The following ATXN7L1 variants were observed in gnomAD, a reference collection of about 807,000 sequenced individuals.
The protein encoded by ATXN7L1 is ataxin-7-like protein 1.
A neutral mutation model predicts 70.8 loss-of-function variants in ATXN7L1; 15 were observed. The observed-to-expected ratio is 0.21, with a 90% confidence interval of 0.14 to 0.33. The LOEUF (loss-of-function observed/expected upper bound fraction) is 0.33. Ranked by LOEUF, ATXN7L1 falls within the 10% of genes least tolerant of loss-of-function variation. The pLI, the probability that ATXN7L1 is intolerant of heterozygous loss-of-function variation, is 1.00. For synonymous variants in ATXN7L1, 440 were observed against 445.1 expected (o/e 0.99, Z 0.14); for missense variants, 975 against 1,097.1 (o/e 0.89, Z 1.57).
intron 2 of ATXN7L1, among the ~76,000 whole-genome samples, chr7:105,792,835 A>C (rs1408860603): frequency 6.6e-6 from 1 of 152,238 alleles, no homozygotes; most frequent in Admixed American, 6.5e-5. Context: ...ACGGGCAAAA[A>C]AGTGAAGAGT....
intron 2 of ATXN7L1, among the ~76,000 whole-genome samples, chr7:105,792,984 C>A: frequency 6.6e-6 from 1 of 152,252 alleles, no homozygotes; most frequent in East Asian, 1.9e-4. Context: ...TCTCCACTTT[C>A]CAGGCAAGGC....
At chr7:105,759,567 A>C (rs1800290805) in intron 3 of ATXN7L1, among the ~76,000 whole-genome samples, 1 of 151,766 alleles carries the variant, frequency 6.6e-6, no homozygotes, top group Non-Finnish European at 1.5e-5. Flanking sequence ...AGACAGGAAA[A>C]TGCTCAGAGA....
chr7:105,813,644 TATAATTTTA>T (rs1808768003), intron 2 of ATXN7L1, among the ~76,000 whole-genome samples: 1 of 152,208 alleles, frequency 6.6e-6, no homozygotes, highest in African/African-American at 2.4e-5. Context: ...GCCCACAATC[TATAATTTTA>T]ATAATGCACA....
chr7:105,660,160 C>T (rs981700620), intron 4 of ATXN7L1, among the ~76,000 whole-genome samples: 4 of 152,120 alleles, frequency 2.6e-5, no homozygotes, highest in East Asian at 1.9e-4. Context: ...GCTGTCACCA[C>T]GCCTCGCCTG....
intron 2 of ATXN7L1, among the ~76,000 whole-genome samples, chr7:105,811,524 T>C (rs762077548): frequency 2.6e-5 from 4 of 152,160 alleles, no homozygotes; most frequent in Admixed American, 6.5e-5. Context: ...GTTTTCCACA[T>C]GTTAAATGCT....
At chr7:105,713,571 G>A (rs1404192841) in intron 3 of ATXN7L1, among the ~76,000 whole-genome samples, 1 of 152,236 alleles carries the variant, frequency 6.6e-6, no homozygotes, top group Non-Finnish European at 1.5e-5. Flanking sequence ...ATAAAAAGCT[G>A]CAGGGAAAAG....
At chr7:105,830,628 G>T (rs1811472847) in intron 2 of ATXN7L1, among the ~76,000 whole-genome samples, 1 of 152,252 alleles carries the variant, frequency 6.6e-6, no homozygotes, top group Admixed American at 6.5e-5. Flanking sequence ...TTCTTACAGA[G>T]CCTGTGTTGG....
intron 11 of ATXN7L1, among the ~76,000 whole-genome samples, chr7:105,608,178 G>C (rs1468967722): frequency 2.0e-5 from 3 of 152,212 alleles, no homozygotes; most frequent in Non-Finnish European, 4.4e-5. Flanking sequence ...CTTTGGGAGA[G>C]TGGACAGAAT....
At chr7:105,862,345 G>A (rs1234460798) in intron 2 of ATXN7L1, among the ~76,000 whole-genome samples, 1 of 152,064 alleles carries the variant, frequency 6.6e-6, no homozygotes, top group Non-Finnish European at 1.5e-5. Flanking sequence ...AGGCTGAGGT[G>A]GGAGGATCAC....
At chr7:105,757,684 G>A (rs1584933628) in intron 3 of ATXN7L1, among the ~76,000 whole-genome samples, 1 of 150,542 alleles carries the variant, frequency 6.6e-6, no homozygotes, top group South Asian at 2.1e-4. Context: ...GGCCCAAGGA[G>A]CGATCCTCCC....
intron 3 of ATXN7L1, among the ~76,000 whole-genome samples, chr7:105,711,222 T>A (rs35621681): frequency 0.057 from 8,633 of 152,174 alleles, 285 homozygotes; most frequent in Admixed American, 0.073. Flanking sequence ...CCTCCTCCAA[T>A]TCAACATGAG....
chr7:105,757,757 ATT>A (rs5886368), intron 3 of ATXN7L1, among the ~76,000 whole-genome samples: 1 of 144,078 alleles, frequency 6.9e-6, no homozygotes. Flanking sequence ...TAATTTTGAC[ATT>A]TTTTTTTTTT....
At chr7:105,810,698 G>T (rs1018904637) in intron 2 of ATXN7L1, among the ~76,000 whole-genome samples, 1 of 152,242 alleles carries the variant, frequency 6.6e-6, no homozygotes, top group African/African-American at 2.4e-5. Flanking sequence ...AGGAGCCAAC[G>T]CGAGCCAGCG....
Position 105,624,238 on chromosome 7 carries a change from C to A in ATXN7L1, c.1232G>T (p.Ser411Ile). 1.4e-6 allele frequency: 2 copies of A among 1,475,510 alleles called. No individual in the cohort carries two copies. Among genetic ancestry groups the A allele is most frequent in the Non-Finnish European group, 9.1e-7 (1 of 1,104,786 alleles). The allele number at this position is 1,475,510 out of a possible 1,614,324, so 91.4% of individuals were successfully genotyped here. Reference sequence around the variant, plus strand: ...GTGGCCGCTATGATTTGAAGATGTGCTGCTGCTTATGCTATTTGCAGATGA... The same window carrying A: ...GTGGCCGCTATGATTTGAAGATGTGATGCTGCTTATGCTATTTGCAGATGA... ...RPSSANSISS[S>I]TSSNHSGHTP... is the part of the protein sequence containing the mutation. Residue 411 changes from serine to isoleucine, a missense_variant, in exon 8 of 12, where the codon AGC becomes ATC. Ser to Ile is a moderately radical substitution (Grantham distance 142). Coordinates refer to ENST00000419735, the MANE Select transcript of ATXN7L1 (RefSeq NM_020725.2).
At chr7:105,803,974 G>A (rs1295825867) in intron 2 of ATXN7L1, among the ~76,000 whole-genome samples, 4 of 152,174 alleles carry the variant, frequency 2.6e-5, no homozygotes, top group East Asian at 3.9e-4. Flanking sequence ...ACTGAGAGCT[G>A]TGTTCAATAG....
chr7:105,648,009 C>T (rs540463323), intron 4 of ATXN7L1, among the ~76,000 whole-genome samples: 3 of 152,298 alleles, frequency 2.0e-5, no homozygotes, highest in South Asian at 4.1e-4. Flanking sequence ...GACAGCCTCA[C>T]GTGCAGTCCT....
At chr7:105,813,335 A>ATTTT (rs3036751) in intron 2 of ATXN7L1, among the ~76,000 whole-genome samples, 23 of 128,882 alleles carry the variant, frequency 1.8e-4, no homozygotes, top group African/African-American at 5.6e-4. Context: ...ACAATCTACA[A>ATTTT]TTTTTTTTTT....
intron 2 of ATXN7L1, among the ~76,000 whole-genome samples, chr7:105,847,521 A>C (rs146838781): frequency 1.6e-3 from 249 of 152,290 alleles, no homozygotes; most frequent in African/African-American, 5.8e-3. Context: ...ACTCTTCTAG[A>C]GCCAACCAAC....
At chr7:105,612,753 T>G (rs2115724042) in intron 10 of ATXN7L1, among the ~76,000 whole-genome samples, 1 of 152,326 alleles carries the variant, frequency 6.6e-6, no homozygotes, top group Non-Finnish European at 1.5e-5. Flanking sequence ...CTGTTTCTCA[T>G]GTGTTTGTGA....
Sources: allele counts gnomAD v4.1 joint callset (sites outside exome capture counted in the v4.1 genomes callset), GRCh38; gene constraint gnomAD v4.1.1; transcripts MANE v1.5; gene names NCBI Gene and HGNC (gene_info 2026-07-23, HGNC 2026-07-21).